The following INSYN2B variants were observed in gnomAD, a reference collection of about 807,000 sequenced individuals.
The protein encoded by INSYN2B is inhibitory synaptic factor family member 2B, also known as protein INSYN2B.
Under a neutral mutation model 41.2 loss-of-function variants are expected in INSYN2B, and 16 were observed. The ratio of observed to expected loss-of-function variants is 0.39; its 90% confidence interval spans 0.26 to 0.59. The LOEUF is 0.59. Among genes scored for constraint, INSYN2B ranks in the 20% least tolerant of loss-of-function variants. The pLI, the probability that INSYN2B is intolerant of heterozygous loss-of-function variation, is 0.57. For synonymous variants in INSYN2B, 245 were observed against 244.4 expected (o/e 1.00, Z -0.02); for missense variants, 608 against 646.4 (o/e 0.94, Z 0.64).
At chr5:169,938,282 AACACAGTCAC>A (rs1485890889) in intron 1 of INSYN2B, among the ~76,000 whole-genome samples, 4 of 151,918 alleles carry the variant, frequency 2.6e-5, no homozygotes, top group African/African-American at 4.8e-5. Context: ...TCCGTGTCCA[AACACAGTCAC>A]ACATCACTTA....
intron 1 of INSYN2B, among the ~76,000 whole-genome samples, chr5:169,890,525 A>G (rs1418435192): frequency 1.3e-5 from 2 of 152,188 alleles, no homozygotes; most frequent in Non-Finnish European, 2.9e-5. Context: ...CAAATTATAT[A>G]TTCCAAAAAT....
Position 169,883,755 on chromosome 5 carries a change from T to C in INSYN2B, c.144A>G (p.Pro48=). 1 of 1,551,648 alleles carries C rather than the reference T, an allele frequency of 6.4e-7. No homozygotes were observed. The highest frequency in any genetic ancestry group is 8.7e-7 in the Non-Finnish European group (1 of 1,146,946). Residue 48 remains proline, a synonymous_variant, in exon 2 of 4, where the codon CCA becomes CCG. Coordinates refer to ENST00000377365, the MANE Select transcript of INSYN2B (RefSeq NM_001129891.3). ...RFKEDGTTKN[P]TGLAEVDVQT... ...GGACGTCAACCTCAGCTAGGCCAGT[T>C]GGATTCTTAGTGGTCCCATCTTCCT...
chr5:169,930,261 A>G (rs1163505307), intron 1 of INSYN2B, among the ~76,000 whole-genome samples: 1 of 152,184 alleles, frequency 6.6e-6, no homozygotes, highest in Non-Finnish European at 1.5e-5. Flanking sequence ...AAGTGCTGGG[A>G]TTACAGGCTT....
chr5:169,898,308 A>G (rs1773726066), intron 1 of INSYN2B, among the ~76,000 whole-genome samples: 1 of 152,162 alleles, frequency 6.6e-6, no homozygotes, highest in African/African-American at 2.4e-5. Context: ...GCTCAGCACC[A>G]TGTGATTGGT....
chr5:169,925,577 CT>C (rs67317853), intron 1 of INSYN2B, among the ~76,000 whole-genome samples: 26,249 of 60,892 alleles, frequency 0.43, 8,136 homozygotes, highest in African/African-American at 0.59. Flanking sequence ...AAGACTCTGT[CT>C]TAAAAAAAAA....
At chr5:169,910,325 C>T (rs1317369740) in intron 1 of INSYN2B, among the ~76,000 whole-genome samples, 1 of 152,130 alleles carries the variant, frequency 6.6e-6, no homozygotes, top group Non-Finnish European at 1.5e-5. Flanking sequence ...TCTTTTGAGC[C>T]CTGTAATTAG....
intron 1 of INSYN2B, among the ~76,000 whole-genome samples, chr5:169,913,843 G>C (rs1387733920): frequency 6.6e-6 from 1 of 152,142 alleles, no homozygotes; most frequent in Non-Finnish European, 1.5e-5. Flanking sequence ...TCCCATTTAA[G>C]AACTTTTTGT....
At position 169,930,094 on chromosome 5, in the gene INSYN2B, G is replaced by T. The variant is rs1166096825; in HGVS notation, c.-918-45278C>A. Among the ~76,000 whole-genome samples, 5 of 152,282 alleles carry T rather than the reference G, an allele frequency of 3.3e-5. No homozygotes were observed. The East Asian group carries it at 9.7e-4, about 29-fold the overall frequency. ...CAATCTCTGCCTCCTGGGTTCCGGT[G>T]ATTCCCCTGCCTCAGCCTCCCGAGT... On this transcript the variant is annotated intron_variant, in intron 1 of 3. Transcript: ENST00000377365.
intron 1 of INSYN2B, among the ~76,000 whole-genome samples, chr5:169,935,249 G>A (rs1189075938): frequency 7.2e-6 from 1 of 139,802 alleles, no homozygotes; most frequent in East Asian, 2.0e-4. Flanking sequence ...GTGAGTCACT[G>A]CCAAGATCCT....
At position 169,883,832 on chromosome 5, in the gene INSYN2B, A is replaced by G. The variant is rs1772815482; in HGVS notation, c.67T>C (p.Phe23Leu). ...CTGCGGTGGTGAGGTTGTTTCACAA[A>G]CTCCACTGATTCTAGACTGTTACGC... The part of the protein sequence containing the change: ...LKRNSLESVE[F>L]VKQPHHRRSK... Residue 23 changes from phenylalanine (F) to leucine (L), a missense_variant, in exon 2 of 4, where the codon TTT becomes CTT. Physicochemically the swap from Phe to Leu is conservative, Grantham distance 22. Coordinates refer to ENST00000377365, the MANE Select transcript of INSYN2B (RefSeq NM_001129891.3). 6.5e-7 allele frequency: 1 copy of G among 1,547,254 alleles called. No homozygotes were observed. Among genetic ancestry groups the G allele is most frequent in the Non-Finnish European group, 8.7e-7 (1 of 1,145,026 alleles).
chr5:169,943,282 T>C (rs1776313015), intron 1 of INSYN2B, among the ~76,000 whole-genome samples: 1 of 152,146 alleles, frequency 6.6e-6, no homozygotes, highest in Non-Finnish European at 1.5e-5. Context: ...GATTCTGGGT[T>C]GGATTTATCT....
intron 1 of INSYN2B, among the ~76,000 whole-genome samples, chr5:169,895,308 C>G (rs1481254500): frequency 6.6e-6 from 1 of 152,116 alleles, no homozygotes; most frequent in Non-Finnish European, 1.5e-5. Context: ...CCTTCCCTCT[C>G]TTGTTTCTTG....
chr5:169,925,579 T>C (rs2909779), intron 1 of INSYN2B, among the ~76,000 whole-genome samples: 1 of 80,256 alleles, frequency 1.2e-5, no homozygotes, highest in East Asian at 3.4e-4. Context: ...GACTCTGTCT[T>C]AAAAAAAAAA....
chr5:169,943,257 T>C (rs910737641), intron 1 of INSYN2B, among the ~76,000 whole-genome samples: 1 of 152,106 alleles, frequency 6.6e-6, no homozygotes, highest in Non-Finnish European at 1.5e-5. Flanking sequence ...TACATTTCCT[T>C]TGAAGAAAAC....
chr5:169,926,547 G>C (rs1222003857), intron 1 of INSYN2B, among the ~76,000 whole-genome samples: 2 of 152,214 alleles, frequency 1.3e-5, no homozygotes, highest in African/African-American at 4.8e-5. Flanking sequence ...GGTGCCGCAT[G>C]AGGCTGGAAG....
rs1050556257 is a variant in INSYN2B at position 169,883,268 on chromosome 5, T to C, written c.631A>G (p.Ser211Gly). ...AIQVPDDIYH[S>G]PSWEARESAL... Reference sequence around the variant, plus strand: ...GACTCTCTAGCTTCCCAGGAAGGACTGTGATAAATATCATCTGGAACCTGA... The same window carrying C: ...GACTCTCTAGCTTCCCAGGAAGGACCGTGATAAATATCATCTGGAACCTGA... Residue 211 changes from serine (S) to glycine (G), a missense_variant, in exon 2 of 4, where the codon AGT (serine) becomes GGT (glycine). Transcript: ENST00000377365. 1.2e-5 allele frequency: 18 copies of C among 1,551,650 alleles called. No homozygotes were observed. In the East Asian group the frequency reaches 2.9e-4, roughly 25 times the overall value.
intron 1 of INSYN2B, among the ~76,000 whole-genome samples, chr5:169,912,061 AC>A (rs1204405781): frequency 6.6e-6 from 1 of 152,158 alleles, no homozygotes; most frequent in African/African-American, 2.4e-5. Flanking sequence ...CTGTTGAACA[AC>A]CAAAGCACCT....
chr5:169,956,522 AGCT>A (rs1776873764), intron 1 of INSYN2B, among the ~76,000 whole-genome samples: 1 of 152,216 alleles, frequency 6.6e-6, no homozygotes, highest in Non-Finnish European at 1.5e-5. Context: ...TGAAGACATG[AGCT>A]TGTAAGTGAA....
chr5:169,931,241 G>C (rs146147062), intron 1 of INSYN2B, among the ~76,000 whole-genome samples: 2 of 152,202 alleles, frequency 1.3e-5, no homozygotes, highest in African/African-American at 4.8e-5. Flanking sequence ...TCCCAAAGAC[G>C]ACCAGGAGAG....
Sources: gnomAD v4.1 joint callset for allele counts (sites outside exome capture counted in the v4.1 genomes callset) on GRCh38, gnomAD v4.1.1 for gene constraint, MANE v1.5 for transcripts, NCBI Gene and HGNC (gene_info 2026-07-23, HGNC 2026-07-21) for gene names.